The following PRR16 variants were observed in gnomAD, a reference collection of about 807,000 sequenced individuals.
PRR16 encodes proline rich 16.
Under a neutral mutation model 18.2 loss-of-function variants are expected in PRR16, and 6 were observed. The observed-to-expected ratio is 0.33, with a 90% confidence interval of 0.18 to 0.65. The LOEUF (loss-of-function observed/expected upper bound fraction) is 0.65, where lower values mean the gene tolerates loss of function less well. Ranked by LOEUF, PRR16 falls within the 30% of genes least tolerant of loss-of-function variation. The probability of loss-of-function intolerance (pLI) is 0.74; values close to 1 mark genes in which losing one functional copy is unlikely to be tolerated. For missense variants in PRR16, 412 were observed against 376.6 expected, an observed-to-expected ratio of 1.09 and a Z score of -0.78; for synonymous variants, 151 against 147.8, an observed-to-expected ratio of 1.02 and a Z score of -0.16.
At chr5:120,730,776 G>T in the PRR16 span, among the ~76,000 whole-genome samples, 1 of 152,110 alleles carries the variant, frequency 6.6e-6, no homozygotes, top group Non-Finnish European at 1.5e-5. Flanking sequence ...CAAATAGAGA[G>T]TCAAAATTAT....
In PRR16 at chr5:120,548,506, G is replaced by A. The variant is rs563215144; in HGVS notation, c.159+83861G>A. On this transcript the variant is annotated intron_variant, in intron 1 of 1. Transcript: ENST00000407149. ...ACTTTTTCACTTTAGTTGAATCAGG[G>A]TTGTTATAAAGATAAATTGGGAAGT... Among the ~76,000 whole-genome samples the A allele has an allele frequency of 3.9e-5, 6 of 152,126 alleles. No individual in the cohort carries two copies. The East Asian group carries it at 7.8e-4, about 20-fold the overall frequency.
chr5:120,748,313 C>G, the PRR16 span, among the ~76,000 whole-genome samples: 2 of 152,008 alleles, frequency 1.3e-5, no homozygotes. Context: ...AATAGTAATT[C>G]TCTTCTAAAA....
intron 1 of PRR16, among the ~76,000 whole-genome samples, chr5:120,670,618 C>G (rs968063700): frequency 6.6e-6 from 1 of 152,004 alleles, no homozygotes; most frequent in Non-Finnish European, 1.5e-5. Context: ...AAATGCAACC[C>G]CCTTACTCCA....
chr5:120,732,392 A>G, the PRR16 span, among the ~76,000 whole-genome samples: 1 of 152,128 alleles, frequency 6.6e-6, no homozygotes, highest in South Asian at 2.1e-4. Context: ...TGGTGCGGCT[A>G]TATAATTCTT....
chr5:120,547,679 AC>A (rs1752117300), intron 1 of PRR16, among the ~76,000 whole-genome samples: 1 of 152,078 alleles, frequency 6.6e-6, no homozygotes. Context: ...AATGTCAGTC[AC>A]TGAAGTGAGC....
chr5:120,656,014 A>G (rs1755963199), intron 1 of PRR16, among the ~76,000 whole-genome samples: 1 of 151,824 alleles, frequency 6.6e-6, no homozygotes, highest in South Asian at 2.1e-4. Flanking sequence ...CAGAGCATGC[A>G]GTTGCCACCA....
intron 1 of PRR16, among the ~76,000 whole-genome samples, chr5:120,682,993 T>G (rs947595504): frequency 6.6e-6 from 1 of 152,140 alleles, no homozygotes; most frequent in African/African-American, 2.4e-5. Flanking sequence ...TTAACCTGAC[T>G]AAGAGAAGAA....
At chr5:120,617,991 G>A (rs961275) in intron 1 of PRR16, among the ~76,000 whole-genome samples, 1 of 152,138 alleles carries the variant, frequency 6.6e-6, no homozygotes, top group African/African-American at 2.4e-5. Context: ...ATAAAAGAAC[G>A]TGGGTTTATT....
At chr5:120,778,323 G>A in the PRR16 span, among the ~76,000 whole-genome samples, 1 of 152,090 alleles carries the variant, frequency 6.6e-6, no homozygotes, top group Non-Finnish European at 1.5e-5. Context: ...TATTAATGTT[G>A]CACTTTCAAG....
At chr5:120,789,750 TATAAA>T in the PRR16 span, among the ~76,000 whole-genome samples, 2 of 152,104 alleles carry the variant, frequency 1.3e-5, no homozygotes, top group Non-Finnish European at 1.5e-5. Flanking sequence ...ATAACTAAGT[TATAAA>T]ATAATATATA....
chr5:120,644,424 A>T (rs369251419), intron 1 of PRR16, among the ~76,000 whole-genome samples: 1 of 152,016 alleles, frequency 6.6e-6, no homozygotes, highest in African/African-American at 2.4e-5. Flanking sequence ...ATGATGTTTA[A>T]TTTTGTTCAT....
chr5:120,686,785 C>T lies in PRR16; in HGVS notation c.*76C>T, dbSNP rs1175248936. 3 of 1,222,732 alleles carry T rather than the reference C, an allele frequency of 2.5e-6. No individual in the cohort carries two copies. The highest frequency in any genetic ancestry group is 1.1e-6 in the Non-Finnish European group (1 of 937,206). The allele number at this position is 1,222,732 out of a possible 1,614,324, so 75.7% of individuals were successfully genotyped here. ...AAATAAGTAATGAGCACTTTCTACT[C>T]AAGCAATAAAAAGCCCAAATATATT... On this transcript the variant is annotated 3_prime_UTR_variant, in exon 2 of 2. Coordinates refer to ENST00000407149, the MANE Select transcript of PRR16 (RefSeq NM_001300783.2).
intron 1 of PRR16, among the ~76,000 whole-genome samples, chr5:120,675,042 TG>T (rs1326715065): frequency 1.3e-5 from 2 of 152,308 alleles, no homozygotes; most frequent in African/African-American, 4.8e-5. Context: ...TCACTAATAA[TG>T]GCAGCTTCAT....
chr5:120,465,584 G>GGGGGCGGGGGCCGGGCT (rs1749050806), intron 1 of PRR16: 1 of 152,658 alleles, frequency 6.6e-6, no homozygotes, highest in Non-Finnish European at 1.5e-5. Context: ...GGCTCCGGGC[G>GGGGGCGGGGGCCGGGCT]GGGGCGGGGG....
intron 1 of PRR16, among the ~76,000 whole-genome samples, chr5:120,501,976 A>G (rs1166725529): frequency 7.3e-5 from 11 of 150,334 alleles, no homozygotes; most frequent in African/African-American, 2.7e-4. Context: ...AAAAAAAAAA[A>G]AAAAAAGAAA....
the PRR16 span, among the ~76,000 whole-genome samples, chr5:120,734,985 G>A: frequency 6.6e-6 from 1 of 152,134 alleles, no homozygotes; most frequent in Admixed American, 6.5e-5. Flanking sequence ...ATTTTGGGAA[G>A]CTGAAACTAT....
chr5:120,677,905 C>CTTTT (rs386404833), intron 1 of PRR16, among the ~76,000 whole-genome samples: 1,568 of 93,084 alleles, frequency 0.017, 29 homozygotes, highest in East Asian at 0.024. Flanking sequence ...CTTTTTCTTT[C>CTTTT]TTTTTTTTTT....
the PRR16 span, among the ~76,000 whole-genome samples, chr5:120,741,175 T>C: frequency 6.6e-6 from 1 of 152,052 alleles, no homozygotes; most frequent in Non-Finnish European, 1.5e-5. Context: ...ATGTGGACCT[T>C]AAATTTGCTG....
At chr5:120,505,338 C>G (rs961481047) in intron 1 of PRR16, among the ~76,000 whole-genome samples, 1 of 152,102 alleles carries the variant, frequency 6.6e-6, no homozygotes, top group African/African-American at 2.4e-5. Context: ...AATCCAAGTC[C>G]TGGATAAGAA....
Sources: gnomAD v4.1 joint callset for allele counts (sites outside exome capture counted in the v4.1 genomes callset) on GRCh38, gnomAD v4.1.1 for gene constraint, MANE v1.5 for transcripts, NCBI Gene and HGNC (gene_info 2026-07-23, HGNC 2026-07-21) for gene names.